The following RCAN1 variants were observed in gnomAD, a reference collection of about 807,000 sequenced individuals.
RCAN1 encodes the protein regulator of calcineurin 1.
RCAN1 carries 11 observed loss-of-function variants against 22.9 expected under a neutral mutation model. The observed-to-expected ratio is 0.48, with a 90% CI of 0.30 to 0.79. The LOEUF (loss-of-function observed/expected upper bound fraction) is 0.79. RCAN1 is among the 30% of genes least tolerant of loss of function. RCAN1 has a pLI of 0.06. For missense variants in RCAN1, 291 were observed against 337.8 expected (o/e 0.86, Z 1.09); for synonymous variants, 136 against 142.3 (o/e 0.96, Z 0.32).
chr21:34,571,975 C>T (rs986290754), intron 1 of RCAN1, among the ~76,000 whole-genome samples: 2 of 152,130 alleles, frequency 1.3e-5, no homozygotes, highest in African/African-American at 4.8e-5. Flanking sequence ...ATTGGTTTAC[C>T]AAGAAACTGT....
chr21:34,550,570 T>G (rs941469555), intron 1 of RCAN1, among the ~76,000 whole-genome samples: 4 of 152,190 alleles, frequency 2.6e-5, no homozygotes, highest in Non-Finnish European at 4.4e-5. Context: ...GAGCAAGGCC[T>G]CTGAGGGAAA....
At chr21:34,610,921 A>T (rs1745618777) in intron 1 of RCAN1, among the ~76,000 whole-genome samples, 1 of 152,152 alleles carries the variant, frequency 6.6e-6, no homozygotes, top group Admixed American at 6.5e-5. Context: ...TTTTTAGGTA[A>T]GTTTACTCAA....
At chr21:34,584,873 C>A (rs1475265312) in intron 1 of RCAN1, among the ~76,000 whole-genome samples, 2 of 152,170 alleles carry the variant, frequency 1.3e-5, no homozygotes, top group African/African-American at 4.8e-5. Flanking sequence ...TATACACTAA[C>A]CACCCGTCCT....
At chr21:34,522,569 T>C (rs1340870953) in intron 2 of RCAN1, 1 of 152,160 alleles carries the variant, frequency 6.6e-6, no homozygotes, top group Admixed American at 6.5e-5. Flanking sequence ...GCTTTATTTA[T>C]ACTTGAAGGG....
intron 1 of RCAN1, chr21:34,525,124 T>C (rs757750090): frequency 1.3e-6 from 2 of 1,550,420 alleles, no homozygotes; most frequent in Admixed American, 2.0e-5. Context: ...GTCTCTGCAG[T>C]GGGAGCGAGG....
At chr21:34,597,915 T>G (rs917917012) in intron 1 of RCAN1, among the ~76,000 whole-genome samples, 2 of 152,184 alleles carry the variant, frequency 1.3e-5, no homozygotes, top group Non-Finnish European at 2.9e-5. Context: ...ATCCCATTTT[T>G]AAATAATTTC....
chr21:34,526,341 C>A (rs772011279), intron 1 of RCAN1, among the ~76,000 whole-genome samples: 1 of 152,232 alleles, frequency 6.6e-6, no homozygotes, highest in Non-Finnish European at 1.5e-5. Context: ...AAACACTATT[C>A]ACTGTCAGAA....
chr21:34,521,947 G>A lies in RCAN1; in HGVS notation c.427-289C>T, dbSNP rs533475391. ...CCTAGATGGACAGAAAATCAGCAGA[G>A]GTGACTTTAGTATATATGGAAATTT... is the stretch of plus-strand genomic sequence containing the variant. On this transcript the variant is annotated intron_variant, in intron 2 of 3. Transcript: ENST00000313806. The A allele has an allele frequency of 5.4e-4, 208 of 385,916 alleles. 1 individual carries two copies. In the South Asian group the frequency reaches 7.0e-3, roughly 13 times the overall value. The allele number at this position is 385,916 out of a possible 1,614,324, so 23.9% of individuals were successfully genotyped here.
intron 1 of RCAN1, among the ~76,000 whole-genome samples, chr21:34,553,356 T>TA (rs756723134): frequency 1.3e-4 from 20 of 150,690 alleles, no homozygotes; most frequent in South Asian, 6.4e-4. Flanking sequence ...ATTATAATAA[T>TA]AAAAAAAAAG....
rs115723263 is a variant in RCAN1, at chr21:34,607,238, C to A, written c.252+7522G>T. On this transcript the variant is annotated intron_variant, in intron 1 of 3. Coordinates refer to ENST00000313806, the MANE Select transcript of RCAN1 (RefSeq NM_004414.7). ...AGAAACTTAGTAACCTAGCTATAGT[C>A]CTCTCAATGAAGTGTTCCATGTTAA... 8.3e-3 allele frequency among the ~76,000 whole-genome samples: 1,269 copies of A among 152,256 alleles called. 15 individuals carry two copies. Among genetic ancestry groups the A allele is most frequent in the African/African-American group, 0.029 (1,194 of 41,540 alleles).
Position 34,614,880 on chromosome 21 carries a change from C to T in RCAN1, c.132G>A (p.Glu44=), listed in dbSNP as rs1353134766. The T allele has an allele frequency of 5.5e-6, 8 of 1,450,498 alleles. No individual in the cohort carries two copies. Among genetic ancestry groups the T allele is most frequent in the Non-Finnish European group, 7.3e-6 (8 of 1,097,128 alleles). 89.9% of individuals were successfully genotyped at this position (1,450,498 alleles called of 1,614,324 possible). The change falls in exon 1 of 4, where the codon GAG becomes GAA. Residue 44 remains glutamate (E), a synonymous_variant. Transcript: ENST00000313806. This position sits in a 1 kb window ranked among gnomAD's most constrained non-coding sequence, Gnocchi z 6.0. ...APLSGAAEAD[E]GGGDWSFIDC... ...CAATGAAGCTCCAGTCGCCGCCGCC[C>T]TCGTCCGCCTCGGCCGCCCCCGAGA...
intron 1 of RCAN1, chr21:34,526,530 G>T: frequency 1.1e-6 from 1 of 872,512 alleles, no homozygotes. Context: ...TTCAAGGCTC[G>T]AAAGACTTTG....
intron 3 of RCAN1, among the ~76,000 whole-genome samples, chr21:34,519,349 G>T (rs2123561727): frequency 6.7e-6 from 1 of 150,088 alleles, no homozygotes; most frequent in South Asian, 2.1e-4. Context: ...CCAGGGCTTT[G>T]TGCTTGGGAT....
At chr21:34,592,085 T>C (rs1987991581) in intron 1 of RCAN1, among the ~76,000 whole-genome samples, 1 of 152,222 alleles carries the variant, frequency 6.6e-6, no homozygotes, top group Non-Finnish European at 1.5e-5. Flanking sequence ...ATCTGTCTTA[T>C]CAAAACTCCC....
chr21:34,594,781 T>C (rs1162515106), intron 1 of RCAN1, among the ~76,000 whole-genome samples: 3 of 152,322 alleles, frequency 2.0e-5, no homozygotes. Flanking sequence ...AAGCAGGCAC[T>C]GGCCCCCATA....
At chr21:34,519,525 A>G (rs1055268870) in intron 3 of RCAN1, among the ~76,000 whole-genome samples, 13 of 150,052 alleles carry the variant, frequency 8.7e-5, no homozygotes, top group African/African-American at 2.9e-4. Context: ...CAGCCTCCCA[A>G]GTAGCTGGGA....
intron 1 of RCAN1, among the ~76,000 whole-genome samples, chr21:34,601,817 C>CAAAA (rs202036960): frequency 6.0e-5 from 5 of 83,348 alleles, no homozygotes; most frequent in Non-Finnish European, 7.0e-5. Context: ...GACTCTGTCT[C>CAAAA]AAAAAAAAAA....
chr21:34,582,394 C>T (rs897034903), intron 1 of RCAN1, among the ~76,000 whole-genome samples: 6 of 151,958 alleles, frequency 3.9e-5, no homozygotes, highest in South Asian at 2.1e-4. Flanking sequence ...ATGGTGCGCT[C>T]GCTTAGCTAG....
intron 1 of RCAN1, among the ~76,000 whole-genome samples, chr21:34,582,330 G>A (rs13051936): frequency 0.055 from 8,348 of 152,238 alleles, 307 homozygotes; most frequent in Non-Finnish European, 0.08. Flanking sequence ...TGATGTTGGG[G>A]AGTGACCAGT....
Sources: gnomAD v4.1 joint callset for allele counts (sites outside exome capture counted in the v4.1 genomes callset) on GRCh38, gnomAD v4.1.1 for gene constraint, Gnocchi (gnomAD v3.1) non-coding constraint, MANE v1.5 for transcripts, NCBI Gene and HGNC (gene_info 2026-07-23, HGNC 2026-07-21) for gene names.